The following LATS1 variants were observed in gnomAD, a reference collection of about 807,000 sequenced individuals.
LATS1 encodes the protein serine/threonine-protein kinase LATS1.
In LATS1, 25 loss-of-function variants were observed where a neutral mutation model predicts 106.6. That is an observed-to-expected ratio of 0.23 (90% CI 0.17 to 0.33). LATS1 has a LOEUF of 0.33. Among genes scored for constraint, LATS1 ranks in the 10% least tolerant of loss-of-function variants. The pLI is 1.00. For missense variants in LATS1, 1,040 were observed against 1,382.6 expected, an observed-to-expected ratio of 0.75 and a Z score of 3.93; for synonymous variants, 465 against 455.6, an observed-to-expected ratio of 1.02 and a Z score of -0.26.
chr6:149,671,809 CAGG>C (rs1781456452), intron 7 of LATS1, among the ~76,000 whole-genome samples: 1 of 151,992 alleles, frequency 6.6e-6, no homozygotes, highest in Non-Finnish European at 1.5e-5. Flanking sequence ...ACATTAATTA[CAGG>C]AGAAGTTACA....
rs1037125105 is a variant in LATS1, at chr6:149,683,434, T to C, written c.1655A>G (p.Tyr552Cys). 9.3e-6 allele frequency: 15 copies of C among 1,614,140 alleles called. No homozygotes were observed. The highest frequency in any genetic ancestry group is 1.2e-5 in the Non-Finnish European group (14 of 1,180,024). ...TGGGTAGGGTGGTGGTGGTCCTTGA[T>C]AGTTTGGAGCTTCAGCAACAGGTGG... ...VMPPVAEAPN[Y>C]QGPPPPYPKH... The change falls in exon 4 of 8, where the codon TAT becomes TGT. Residue 552 changes from tyrosine to cysteine, a missense_variant. This residue lies in a region of LATS1 where 624 missense variants were observed against 714.8 expected (regional missense o/e 0.87). Transcript: ENST00000543571.
chr6:149,698,809 G>A (rs1434177271), intron 2 of LATS1, among the ~76,000 whole-genome samples: 6 of 151,724 alleles, frequency 4.0e-5, no homozygotes, highest in African/African-American at 1.5e-4. Context: ...TGATCCACCC[G>A]CCTTGGCCTC....
chr6:149,667,952 G>C (rs553538438), intron 7 of LATS1, among the ~76,000 whole-genome samples: 219 of 152,204 alleles, frequency 1.4e-3, no homozygotes, highest in African/African-American at 5.0e-3. Flanking sequence ...ATGGAGTCTC[G>C]GGCTGTCGCC....
chr6:149,663,086 T>TG (rs1780962426), intron 7 of LATS1, among the ~76,000 whole-genome samples: 1 of 152,116 alleles, frequency 6.6e-6, no homozygotes, highest in Admixed American at 6.6e-5. Flanking sequence ...GCTGAACTCT[T>TG]GGAGGCAGGG....
intron 1 of LATS1, among the ~76,000 whole-genome samples, chr6:149,703,521 A>G (rs184735378): frequency 2.0e-5 from 3 of 152,280 alleles, no homozygotes; most frequent in African/African-American, 7.2e-5. Flanking sequence ...TGAGTACTAG[A>G]AAAGCACAGC....
intron 4 of LATS1, among the ~76,000 whole-genome samples, chr6:149,682,415 C>CA (rs1161618309): frequency 7.2e-6 from 1 of 138,336 alleles, no homozygotes; most frequent in Non-Finnish European, 1.6e-5. Context: ...TTTCTTTTTT[C>CA]TTTTTTTTTT....
At chr6:149,695,293 T>G in intron 2 of LATS1, 72 bp from the exon 3 acceptor site, 2 of 932,010 alleles carry the variant, frequency 2.1e-6, no homozygotes, top group Non-Finnish European at 3.2e-6. Flanking sequence ...GAAAGAACAC[T>G]ATGAGTTCCA....
chr6:149,680,407 T>G lies in LATS1; in HGVS notation c.2061A>C (p.Gln687His). The stretch of plus-strand genomic sequence containing the variant: ...TAAGACGGATGTAATTAGATTCTTT[T>G]TGGCAAAGCATCTTTCTCATTTGAT... ...AQDQMRKMLCQKESNYIRLKR... is the reference protein window; with the variant it reads ...AQDQMRKMLCHKESNYIRLKR... Residue 687 changes from glutamine to histidine, a missense_variant, in exon 5 of 8, where the codon CAA (glutamine) becomes CAC (histidine). This residue lies in a region of LATS1 where 167 missense variants were observed against 332.1 expected (regional missense o/e 0.50). Transcript: ENST00000543571. 1 of 1,613,554 alleles carries G rather than the reference T, an allele frequency of 6.2e-7. No homozygotes were observed. The highest frequency in any genetic ancestry group is 8.5e-7 in the Non-Finnish European group (1 of 1,179,790).
In LATS1 at chr6:149,683,755, G is replaced by C; in HGVS notation, c.1334C>G (p.Pro445Arg). The change falls in exon 4 of 8, where the codon CCG (proline) becomes CGG (arginine). Residue 445 changes from proline (P) to arginine (R), a missense_variant. Pro to Arg is a moderately radical substitution (Grantham distance 103, BLOSUM62 -2). Around this residue, in one of 7 missense-constraint regions of LATS1, gnomAD observed 624 missense variants for 714.8 expected, o/e 0.87. Transcript: ENST00000543571. Reference sequence around the variant, plus strand: ...TGTAGGGATTTCATGCCCACTGCTCGGGGATGACTGGGCTGGAGCAGAAGA... The same window carrying C: ...TGTAGGGATTTCATGCCCACTGCTCCGGGATGACTGGGCTGGAGCAGAAGA... ...QSSSAPAQSS[P>R]SSGHEIPTWQ... 1.2e-6 allele frequency: 2 copies of C among 1,613,780 alleles called. No individual in the cohort carries two copies. The highest frequency in any genetic ancestry group is 1.7e-6 in the Non-Finnish European group (2 of 1,179,980).
At chr6:149,667,959 C>T (rs573362134) in intron 7 of LATS1, among the ~76,000 whole-genome samples, 2 of 152,184 alleles carry the variant, frequency 1.3e-5, no homozygotes, top group South Asian at 2.1e-4. Context: ...CTCGGGCTGT[C>T]GCCCCGGCTG....
At chr6:149,674,763 A>C (rs1781623010) in intron 7 of LATS1, among the ~76,000 whole-genome samples, 1 of 150,804 alleles carries the variant, frequency 6.6e-6, no homozygotes, top group Admixed American at 6.6e-5. Flanking sequence ...TGTATCTACA[A>C]AAAATACAAA....
intron 1 of LATS1, among the ~76,000 whole-genome samples, chr6:149,711,065 C>T (rs1034677967): frequency 6.6e-6 from 1 of 152,070 alleles, no homozygotes; most frequent in Non-Finnish European, 1.5e-5. Flanking sequence ...CGTAGCCTTC[C>T]CATCAAACCT....
At chr6:149,668,608 A>ATTTTT (rs35989414) in intron 7 of LATS1, among the ~76,000 whole-genome samples, 1 of 141,978 alleles carries the variant, frequency 7.0e-6, no homozygotes. Flanking sequence ...ATGCCCAGCT[A>ATTTTT]TTTTTTTTTT....
chr6:149,712,378 A>T (rs1784154372), intron 1 of LATS1, among the ~76,000 whole-genome samples: 1 of 151,996 alleles, frequency 6.6e-6, no homozygotes, highest in Non-Finnish European at 1.5e-5. Context: ...TTCTATTTTT[A>T]GTAGAGACGG....
chr6:149,680,558 T>A lies in LATS1; in HGVS notation c.2011-101A>T, dbSNP rs1018540382. On this transcript the variant is annotated intron_variant, in intron 4 of 7. Transcript: ENST00000543571. ...TTCAGGCATATATTTAAAGGTTAAA[T>A]GCATAATTTTTAATAAAGCATGTTA... is the stretch of plus-strand genomic sequence containing the variant. 35 of 786,602 alleles carry A rather than the reference T, an allele frequency of 4.4e-5. No individual in the cohort carries two copies. The African/African-American group carries it at 6.0e-4, about 13-fold the overall frequency. 48.7% of individuals were successfully genotyped at this position (786,602 alleles called of 1,614,324 possible). A position where few individuals can be genotyped will look rare whatever the true frequency, so the allele number is the denominator to read the frequency against.
intron 7 of LATS1, among the ~76,000 whole-genome samples, chr6:149,673,534 C>T (rs146318530): frequency 2.0e-4 from 31 of 152,088 alleles, no homozygotes; most frequent in African/African-American, 7.2e-4. Flanking sequence ...CATACACCTA[C>T]ACACAAATAT....
chr6:149,679,942 A>T lies in LATS1; in HGVS notation c.2526T>A (p.Ile842=), dbSNP rs1781947665. The part of the protein sequence containing the change: ...DNILIDRDGH[I]KLTDFGLCTG... ...TGCAGAGGCCAAAGTCAGTCAATTT[A>T]ATATGACCATCACGATCAATCAAAA... The change falls in exon 5 of 8, where the codon ATT becomes ATA. Residue 842 remains isoleucine (I), a synonymous_variant. Transcript: ENST00000543571. The T allele has an allele frequency of 6.2e-7, 1 of 1,613,856 alleles. No individual in the cohort carries two copies.
chr6:149,679,570 ATTGT>A (rs1475120370), intron 5 of LATS1, among the ~76,000 whole-genome samples: 5 of 150,968 alleles, frequency 3.3e-5, no homozygotes, highest in African/African-American at 1.2e-4. Context: ...AAAAAAAAAA[ATTGT>A]TTGTCTGGCA....
chr6:149,691,763 C>T (rs1782766458), intron 3 of LATS1, among the ~76,000 whole-genome samples: 2 of 152,082 alleles, frequency 1.3e-5, no homozygotes, highest in African/African-American at 4.8e-5. Context: ...CATACATCCC[C>T]ACCTCCCTAC....
Sources: gnomAD v4.1 joint callset for allele counts (sites outside exome capture counted in the v4.1 genomes callset) on GRCh38, gnomAD v4.1.1 for gene constraint, gnomAD v4.1.1 regional missense constraint, MANE v1.5 for transcripts, NCBI Gene and HGNC (gene_info 2026-07-23, HGNC 2026-07-21) for gene names.